Variants in ATP10D observed in about 807,000 individuals in gnomAD.
The protein encoded by ATP10D is phospholipid-transporting ATPase VD.
Under a neutral mutation model 144.8 loss-of-function variants are expected in ATP10D, and 89 were observed. The ratio of observed to expected loss-of-function variants is 0.61; its 90% CI spans 0.52 to 0.73. ATP10D has a LOEUF of 0.73. ATP10D is among the 30% of genes least tolerant of loss of function. The pLI is 0.00. For missense variants in ATP10D, 1,603 were observed against 1,714.8 expected (o/e 0.93, Z 1.15); for synonymous variants, 571 against 615.1 (o/e 0.93, Z 1.06).
intron 14 of ATP10D, among the ~76,000 whole-genome samples, chr4:47,562,405 GACA>G (rs1379173632): frequency 1.3e-5 from 2 of 152,024 alleles, no homozygotes; most frequent in Non-Finnish European, 2.9e-5. Flanking sequence ...TTCTAAAGAA[GACA>G]ACAACAAGTG....
chr4:47,537,780 A>T (rs1041783643), intron 9 of ATP10D, among the ~76,000 whole-genome samples: 1 of 152,198 alleles, frequency 6.6e-6, no homozygotes, highest in South Asian at 2.1e-4. Flanking sequence ...GCTATGCTTA[A>T]TGGTGGCCAC....
chr4:47,558,198 C>T lies in ATP10D; in HGVS notation c.2359C>T (p.Leu787Phe). 6.2e-7 allele frequency: 1 copy of T among 1,614,210 alleles called. No individual in the cohort carries two copies. The highest frequency in any genetic ancestry group is 8.5e-7 in the Non-Finnish European group (1 of 1,180,042). ...AATGTCTGTTGTGGTCCGACACCCTCTTTCCAATCAAGTTGTGGTGTATAC... is the reference window on the plus strand; with the variant it reads ...AATGTCTGTTGTGGTCCGACACCCTTTTTCCAATCAAGTTGTGGTGTATAC... ...KRMSVVVRHP[L>F]SNQVVVYTKG... Residue 787 changes from leucine (L) to phenylalanine (F), a missense_variant, in exon 12 of 23, where the codon CTT (leucine) becomes TTT (phenylalanine). Transcript: ENST00000273859.
intron 10 of ATP10D, among the ~76,000 whole-genome samples, chr4:47,551,523 C>G (rs1354381261): frequency 6.6e-6 from 1 of 152,180 alleles, no homozygotes; most frequent in Non-Finnish European, 1.5e-5. Context: ...TTGTTTCTCC[C>G]TCTCTTTCCT....
intron 9 of ATP10D, among the ~76,000 whole-genome samples, chr4:47,542,491 TC>T (rs1005786726): frequency 3.9e-5 from 6 of 152,220 alleles, no homozygotes; most frequent in African/African-American, 1.4e-4. Context: ...CTGGTCTATT[TC>T]CTTTTTTGAG....
chr4:47,578,003 G>A (rs1024014463), intron 19 of ATP10D, among the ~76,000 whole-genome samples: 1 of 152,198 alleles, frequency 6.6e-6, no homozygotes, highest in African/African-American at 2.4e-5. Context: ...AAGCCCATTT[G>A]TATGGACTAA....
At chr4:47,561,173 C>T (rs1220758381) in intron 14 of ATP10D, 98 bp downstream of exon 14, 2 of 1,467,410 alleles carry the variant, frequency 1.4e-6, no homozygotes, top group Non-Finnish European at 1.9e-6. Flanking sequence ...ATCTAATAAA[C>T]ATATATGGTT....
intron 1 of ATP10D, among the ~76,000 whole-genome samples, chr4:47,502,427 G>A (rs1715742449): frequency 6.6e-6 from 1 of 151,310 alleles, no homozygotes; most frequent in South Asian, 2.1e-4. Flanking sequence ...CCGAGATAGC[G>A]CCACTGCACT....
At chr4:47,578,909 G>A (rs1344170732) in intron 19 of ATP10D, among the ~76,000 whole-genome samples, 1 of 152,310 alleles carries the variant, frequency 6.6e-6, no homozygotes, top group African/African-American at 2.4e-5. Flanking sequence ...GAATGTATAT[G>A]GAGAATTTGT....
chr4:47,560,128 A>C (rs1719216511), intron 13 of ATP10D: 1 of 152,244 alleles, frequency 6.6e-6, no homozygotes, highest in Non-Finnish European at 1.5e-5. Context: ...AATGTAGCCC[A>C]ACAGGTGTCA....
intron 5 of ATP10D, among the ~76,000 whole-genome samples, chr4:47,526,684 G>C (rs1355978201): frequency 6.6e-6 from 1 of 152,070 alleles, no homozygotes; most frequent in African/African-American, 2.4e-5. Flanking sequence ...TAGAAAACAA[G>C]ATCCAGATAC....
intron 1 of ATP10D, among the ~76,000 whole-genome samples, chr4:47,487,959 AT>A (rs1714858311): frequency 6.6e-6 from 1 of 152,146 alleles, no homozygotes. Context: ...GCATGGTCCC[AT>A]TTTGCTCCCA....
intron 1 of ATP10D, among the ~76,000 whole-genome samples, chr4:47,510,235 T>C (rs1331987922): frequency 6.6e-6 from 1 of 152,144 alleles, no homozygotes; most frequent in Non-Finnish European, 1.5e-5. Flanking sequence ...CAAGGGTCAC[T>C]TTTCAGGAGA....
In ATP10D at chr4:47,558,078, C is replaced by G. The variant is rs756861814; in HGVS notation, c.2239C>G (p.Arg747Gly). The G allele has an allele frequency of 6.8e-6, 11 of 1,614,208 alleles. No homozygotes were observed. In the Admixed American group the frequency reaches 1.8e-4, roughly 27 times the overall value. ...GGCTTACCAATGCACTTTACGGTCT[C>G]GGACACCAGAGCAGGTCATGGTGGA... The part of the protein sequence containing the change: ...ARAYQCTLRS[R>G]TPEQVMVDFA... Residue 747 changes from arginine (R) to glycine (G), a missense_variant, in exon 12 of 23, where the codon CGG becomes GGG. Coordinates refer to ENST00000273859, the MANE Select transcript of ATP10D (RefSeq NM_020453.4).
intron 2 of ATP10D, 119 bp from the exon 3 acceptor site, chr4:47,515,357 T>A: frequency 2.7e-6 from 2 of 737,316 alleles, no homozygotes; most frequent in Non-Finnish European, 4.5e-6. Flanking sequence ...TAGTTCTATA[T>A]TCTGTAACAT....
Position 47,523,156 on chromosome 4 carries a change from T to A in ATP10D, c.630T>A (p.Ser210=). 6.2e-7 allele frequency: 1 copy of A among 1,614,170 alleles called. No homozygotes were observed. The highest frequency in any genetic ancestry group is 8.5e-7 in the Non-Finnish European group (1 of 1,180,020). Residue 210 remains serine (S), a synonymous_variant, in exon 4 of 23, where the codon TCT becomes TCA. Coordinates refer to ENST00000273859, the MANE Select transcript of ATP10D (RefSeq NM_020453.4). ...DPDGICHIET[S]GLDGESNLKQ... ...ATGGAATCTGTCACATTGAGACTTC[T>A]GGTCTTGATGGAGAGAGCAATTTAA...
chr4:47,557,731 G>A lies in ATP10D; in HGVS notation c.1892G>A (p.Arg631Lys), dbSNP rs1385811209. ...GAAGAGATTAAAAGTCTTTTCCAGA[G>A]ATGGTCTGTCCGAAGATCAAGTTCT... ...SLEEIKSLFQ[R>K]WSVRRSSSPS... The change falls in exon 12 of 23, where the codon AGA becomes AAA. Residue 631 changes from arginine (R) to lysine (K), a missense_variant. Coordinates refer to ENST00000273859, the MANE Select transcript of ATP10D (RefSeq NM_020453.4). 3 of 1,614,104 alleles carry A rather than the reference G, an allele frequency of 1.9e-6. No individual in the cohort carries two copies. The highest frequency in any genetic ancestry group is 2.5e-6 in the Non-Finnish European group (3 of 1,180,046).
rs764997987 is a variant in ATP10D at position 47,512,864 on chromosome 4, A to G, written c.290+34A>G. On this transcript the variant is annotated intron_variant, in intron 2 of 22. Transcript: ENST00000273859. ...TTATTTTTGAAGAAAACCTTAGAAT[A>G]TCATTCTAGTTGATATATAACATAT... 30 of 1,535,848 alleles carry G rather than the reference A, an allele frequency of 2.0e-5. No individual in the cohort carries two copies. The South Asian group carries it at 3.3e-4, about 17-fold the overall frequency.
At position 47,516,029 on chromosome 4, in the gene ATP10D, A is replaced by G. The variant is rs1269613063; in HGVS notation, c.485+359A>G. Among the ~76,000 whole-genome samples the G allele has an allele frequency of 2.0e-5, 3 of 152,208 alleles. No individual in the cohort carries two copies. The East Asian group carries it at 5.8e-4, about 29-fold the overall frequency. ...TGGATCGCCTGAGGTCAGGAGTTCA[A>G]GACCAGCCTGACCAACATGATGAAA... On this transcript the variant is annotated intron_variant, in intron 3 of 22. Transcript: ENST00000273859.
At chr4:47,573,668 A>G (rs2109465820) in intron 18 of ATP10D, among the ~76,000 whole-genome samples, 1 of 152,330 alleles carries the variant, frequency 6.6e-6, no homozygotes, top group East Asian at 1.9e-4. Context: ...AATCAGACGT[A>G]AGTATCTTCT....
Sources: gnomAD v4.1 joint callset for allele counts (sites outside exome capture counted in the v4.1 genomes callset) on GRCh38, gnomAD v4.1.1 for gene constraint, MANE v1.5 for transcripts, NCBI Gene and HGNC (gene_info 2026-07-23, HGNC 2026-07-21) for gene names.